The following RABEP1 variants were observed in gnomAD, a reference collection of about 807,000 sequenced individuals.
RABEP1 encodes the protein rabaptin, RAB GTPase binding effector protein 1, also known as rab GTPase-binding effector protein 1.
RABEP1 carries 51 observed loss-of-function variants against 123.4 expected under a neutral mutation model. The observed-to-expected ratio is 0.41, with a 90% CI of 0.33 to 0.52. The LOEUF is 0.52. Ranked by LOEUF, RABEP1 falls within the 20% of genes least tolerant of loss-of-function variation. RABEP1 has a pLI of 0.16. For missense variants in RABEP1, 888 were observed against 996.3 expected (o/e 0.89, Z 1.46); for synonymous variants, 347 against 355.2 (o/e 0.98, Z 0.26).
intron 12 of RABEP1, among the ~76,000 whole-genome samples, chr17:5,370,967 T>C (rs80152220): frequency 0.084 from 12,441 of 148,192 alleles, 546 homozygotes; most frequent in Middle Eastern, 0.15. Context: ...TTGTTTCTCT[T>C]TTTTTTTTTT....
At chr17:5,308,949 A>G (rs1277587628) in intron 2 of RABEP1, 127 bp downstream of exon 2, 1 of 1,003,684 alleles carries the variant, frequency 1.0e-6, no homozygotes, top group Non-Finnish European at 1.4e-6. Flanking sequence ...TAATAAAAGA[A>G]TACTGTTTAA....
chr17:5,347,246 C>T (rs544594132), intron 6 of RABEP1, among the ~76,000 whole-genome samples: 195 of 152,246 alleles, frequency 1.3e-3, no homozygotes, highest in African/African-American at 4.5e-3. Context: ...CCCGTCTCTA[C>T]TGCAAAAACA....
At chr17:5,292,196 TAA>T (rs1226930340) in intron 1 of RABEP1, among the ~76,000 whole-genome samples, 1 of 152,222 alleles carries the variant, frequency 6.6e-6, no homozygotes, top group Non-Finnish European at 1.5e-5. Context: ...AGTATAGACT[TAA>T]AGTGTTCTTG....
rs1201488380 is a variant in RABEP1, at chr17:5,306,896, AAG to A, written c.35-1794_35-1793del. Among the ~76,000 whole-genome samples the A allele has an allele frequency of 4.6e-5, 7 of 152,356 alleles. 1 individual carries two copies. The Middle Eastern group carries it at 0.014, about 296-fold the overall frequency. ...CCTCTAGTGAAAGTTGAAAGTAAAA[AAG>A]AGAATGGTTGTATGAGTACCATAAT... is the stretch of plus-strand genomic sequence containing the variant. On this transcript the variant is annotated intron_variant, in intron 1 of 17. Transcript: ENST00000537505.
intron 16 of RABEP1, 157 bp downstream of exon 16, chr17:5,380,619 T>C: frequency 2.9e-6 from 2 of 688,096 alleles, no homozygotes; most frequent in South Asian, 1.5e-5. Flanking sequence ...TTAAACGAAT[T>C]GATCTATTCC....
intron 17 of RABEP1, among the ~76,000 whole-genome samples, 194 bp from the exon 18 acceptor site, chr17:5,382,928 C>A (rs939179588): frequency 1.4e-5 from 2 of 144,898 alleles, no homozygotes; most frequent in Non-Finnish European, 1.5e-5. Flanking sequence ...AACTCTCCCC[C>A]CCAAAAAAAA....
At chr17:5,353,600 C>T (rs564709744) in intron 7 of RABEP1, among the ~76,000 whole-genome samples, 179 of 152,222 alleles carry the variant, frequency 1.2e-3, no homozygotes, top group African/African-American at 3.9e-3. Flanking sequence ...GTAGTCCCAA[C>T]GCTTTGGGAG....
At chr17:5,310,348 C>T (rs899961477) in intron 2 of RABEP1, among the ~76,000 whole-genome samples, 1 of 145,912 alleles carries the variant, frequency 6.9e-6, no homozygotes, top group Non-Finnish European at 1.5e-5. Context: ...GACATCTTCC[C>T]CTGTCACGCA....
intron 2 of RABEP1, among the ~76,000 whole-genome samples, chr17:5,313,646 G>A (rs1188126877): frequency 6.6e-6 from 1 of 152,148 alleles, no homozygotes; most frequent in Non-Finnish European, 1.5e-5. Flanking sequence ...TGCTTGGTTT[G>A]TTAAGATTGC....
rs73976338 is a variant in RABEP1 at position 5,384,062 on chromosome 17, A to G, written c.*839A>G. 0.013 allele frequency: 2,762 copies of G among 216,078 alleles called. 72 individuals carry two copies. Among genetic ancestry groups the G allele is most frequent in the African/African-American group, 0.055 (2,471 of 44,540 alleles). The allele number at this position is 216,078 out of a possible 1,614,324, so 13.4% of individuals were successfully genotyped here. On this transcript the variant is annotated 3_prime_UTR_variant, in exon 18 of 18. Coordinates refer to ENST00000537505, the MANE Select transcript of RABEP1 (RefSeq NM_004703.6). ...TATTGGATCAGTGAAAAACATTAGT[A>G]TACGTTTTTAAATAGGCTAATTTTT...
intron 2 of RABEP1, among the ~76,000 whole-genome samples, chr17:5,316,832 C>CAAAAAAAAAAAAAAAAAAAAAAAAA (rs55890740): frequency 1.5e-5 from 1 of 67,174 alleles, no homozygotes; most frequent in African/African-American, 5.9e-5. Flanking sequence ...GACTCTGTCT[C>CAAAAAAAAAAAAAAAAAAAAAAAAA]AAAAAAAAAA....
chr17:5,332,263 A>G, intron 3 of RABEP1, 111 bp downstream of exon 3: 1 of 979,704 alleles, frequency 1.0e-6, no homozygotes, highest in East Asian at 2.6e-5. Context: ...TTGTGGTTTT[A>G]TGTACTGTCA....
chr17:5,367,486 G>A (rs1910140015), intron 11 of RABEP1, among the ~76,000 whole-genome samples: 1 of 151,694 alleles, frequency 6.6e-6, no homozygotes, highest in South Asian at 2.1e-4. Flanking sequence ...GGCCAGGCTG[G>A]TCTCGAACTC....
chr17:5,289,866 A>G (rs578142715), intron 1 of RABEP1, among the ~76,000 whole-genome samples: 299 of 152,270 alleles, frequency 2.0e-3, no homozygotes, highest in Middle Eastern at 6.8e-3. Flanking sequence ...GCACTTATCC[A>G]CTGTCTTTGT....
chr17:5,363,568 C>T (rs938436691), intron 10 of RABEP1, among the ~76,000 whole-genome samples: 1 of 152,180 alleles, frequency 6.6e-6, no homozygotes, highest in East Asian at 1.9e-4. Flanking sequence ...CTTAAAGGGA[C>T]ACTACCTAAT....
intron 1 of RABEP1, among the ~76,000 whole-genome samples, chr17:5,297,840 T>C (rs2075097880): frequency 1.3e-5 from 2 of 152,240 alleles, no homozygotes; most frequent in South Asian, 4.1e-4. Context: ...GCTGTTATGC[T>C]CTATGGCTTC....
chr17:5,292,358 G>A (rs2075041552), intron 1 of RABEP1, among the ~76,000 whole-genome samples: 2 of 151,644 alleles, frequency 1.3e-5, no homozygotes, highest in African/African-American at 2.4e-5. Flanking sequence ...GCCTCATGAT[G>A]TCCTTTACCC....
intron 2 of RABEP1, among the ~76,000 whole-genome samples, chr17:5,320,421 CAAAA>C (rs60202531): frequency 0.12 from 9,762 of 84,744 alleles, 351 homozygotes; most frequent in South Asian, 0.14. Context: ...GCTAACACAC[CAAAA>C]AAAAAAAAAA....
At chr17:5,308,295 G>C (rs896153251) in intron 1 of RABEP1, among the ~76,000 whole-genome samples, 1 of 149,354 alleles carries the variant, frequency 6.7e-6, no homozygotes, top group African/African-American at 2.5e-5. Context: ...GTGCGATCTC[G>C]GCCCACTGCA....
Sources: allele counts gnomAD v4.1 joint callset (sites outside exome capture counted in the v4.1 genomes callset), GRCh38; gene constraint gnomAD v4.1.1; transcripts MANE v1.5; gene names NCBI Gene and HGNC (gene_info 2026-07-23, HGNC 2026-07-21).